GRIN2B: variants seen among roughly 807,000 people sequenced by gnomAD.
The protein encoded by GRIN2B is glutamate ionotropic receptor NMDA type subunit 2B.
GRIN2B carries 5 observed loss-of-function variants against 114.5 expected under a neutral mutation model. The ratio of observed to expected loss-of-function variants is 0.04; its 90% CI spans 0.02 to 0.09. GRIN2B has a LOEUF of 0.09. Ranked by LOEUF, GRIN2B falls within the 10% of genes least tolerant of loss-of-function variation. GRIN2B has a pLI of 1.00. For missense variants in GRIN2B, 1,108 were observed against 1,943.5 expected (o/e 0.57, Z 8.08); for synonymous variants, 787 against 745.1 (o/e 1.06, Z -0.92).
At chr12:13,727,568 G>A (rs1158592126) in intron 4 of GRIN2B, among the ~76,000 whole-genome samples, 1 of 152,102 alleles carries the variant, frequency 6.6e-6, no homozygotes, top group Non-Finnish European at 1.5e-5. Flanking sequence ...TACAGCTGAG[G>A]GGACCTGCAA....
chr12:13,879,158 C>T (rs970770851), intron 2 of GRIN2B, among the ~76,000 whole-genome samples: 3 of 152,098 alleles, frequency 2.0e-5, no homozygotes, highest in East Asian at 1.9e-4. Flanking sequence ...CATCATTAGG[C>T]GACTTCATCA....
intron 4 of GRIN2B, among the ~76,000 whole-genome samples, chr12:13,688,164 C>T (rs983078724): frequency 3.4e-4 from 51 of 152,092 alleles, no homozygotes; most frequent in African/African-American, 1.2e-3. Flanking sequence ...ATGCCCCACG[C>T]TAAGAACAAT....
chr12:13,617,243 C>T (rs574073364), intron 5 of GRIN2B, among the ~76,000 whole-genome samples: 4 of 152,322 alleles, frequency 2.6e-5, no homozygotes, highest in African/African-American at 9.6e-5. Flanking sequence ...TTAAAGAATA[C>T]TAACACTGTT....
chr12:13,806,634 A>G (rs1372582657), intron 3 of GRIN2B, among the ~76,000 whole-genome samples: 3 of 152,154 alleles, frequency 2.0e-5, no homozygotes, highest in East Asian at 3.9e-4. Context: ...TATTAGATGT[A>G]TGATTTGCAA....
intron 2 of GRIN2B, among the ~76,000 whole-genome samples, chr12:13,896,545 C>T (rs1467935799): frequency 6.6e-6 from 1 of 152,102 alleles, no homozygotes; most frequent in African/African-American, 2.4e-5. Context: ...AACATGTCTC[C>T]AAAATGAATA....
intron 5 of GRIN2B, among the ~76,000 whole-genome samples, chr12:13,664,064 T>A (rs1199666234): frequency 6.6e-6 from 1 of 152,206 alleles, no homozygotes; most frequent in African/African-American, 2.4e-5. Context: ...TAAATTTATT[T>A]AGATAAATCA....
intron 4 of GRIN2B, among the ~76,000 whole-genome samples, chr12:13,691,075 T>G (rs1950212331): frequency 6.6e-6 from 1 of 152,164 alleles, no homozygotes; most frequent in African/African-American, 2.4e-5. Flanking sequence ...AGGAATAATC[T>G]TTTTCTCAAT....
intron 11 of GRIN2B, among the ~76,000 whole-genome samples, chr12:13,570,713 A>C (rs1948696046): frequency 6.6e-6 from 1 of 152,226 alleles, no homozygotes; most frequent in African/African-American, 2.4e-5. Context: ...AGGGAATAAG[A>C]CCAGGCGTAG....
intron 2 of GRIN2B, among the ~76,000 whole-genome samples, chr12:13,954,790 C>T (rs1230503682): frequency 2.6e-5 from 1 of 38,578 alleles, no homozygotes; most frequent in Non-Finnish European, 6.9e-5. Context: ...GCCTGGGTGA[C>T]AGAGTGAGAC....
intron 2 of GRIN2B, among the ~76,000 whole-genome samples, chr12:13,966,284 G>T (rs1867789010): frequency 6.6e-6 from 1 of 152,216 alleles, no homozygotes; most frequent in African/African-American, 2.4e-5. Context: ...CTTTAGAAAT[G>T]TAAGTGATCA....
Position 13,545,997 on chromosome 12 carries a change from G to C in GRIN2B, c.*16786C>G, listed in dbSNP as rs1948336491. On this transcript the variant is annotated 3_prime_UTR_variant, in exon 14 of 14. Coordinates refer to ENST00000609686, the MANE Select transcript of GRIN2B (RefSeq NM_000834.5). ...AATCGAATCTAGCAATTTTCTTTCT[G>C]AAGTAAACAGTAATCACATTAACAA... is the stretch of plus-strand genomic sequence containing the variant. 6.6e-6 allele frequency: 1 copy of C among 152,116 alleles called. No individual in the cohort carries two copies. The highest frequency in any genetic ancestry group is 2.4e-5 in the African/African-American group (1 of 41,416). 9.4% of individuals were successfully genotyped at this position (152,116 alleles called of 1,614,324 possible).
intron 10 of GRIN2B, among the ~76,000 whole-genome samples, chr12:13,582,220 A>T (rs1806199): frequency 0.051 from 7,835 of 152,334 alleles, 280 homozygotes; most frequent in East Asian, 0.17. Context: ...CCATGAAAGA[A>T]TCTGGAATGG....
At chr12:13,819,774 A>G (rs1241495277) in intron 3 of GRIN2B, among the ~76,000 whole-genome samples, 1 of 152,178 alleles carries the variant, frequency 6.6e-6, no homozygotes, top group Non-Finnish European at 1.5e-5. Flanking sequence ...TAAACTACAA[A>G]AAAATCCTTT....
chr12:13,688,618 T>C (rs1950190052), intron 4 of GRIN2B, among the ~76,000 whole-genome samples: 3 of 152,206 alleles, frequency 2.0e-5, no homozygotes, highest in Admixed American at 2.0e-4. Flanking sequence ...TCTTAGATCG[T>C]GCTCTGGAAG....
intron 3 of GRIN2B, among the ~76,000 whole-genome samples, chr12:13,799,871 G>A (rs1864476835): frequency 6.6e-6 from 1 of 152,078 alleles, no homozygotes; most frequent in Non-Finnish European, 1.5e-5. Flanking sequence ...GCTAGGCAGG[G>A]CAGGGAGAGA....
intron 3 of GRIN2B, among the ~76,000 whole-genome samples, chr12:13,865,294 A>G (rs1414431258): frequency 6.6e-6 from 1 of 152,200 alleles, no homozygotes; most frequent in Non-Finnish European, 1.5e-5. Context: ...TTTCAAAACT[A>G]TAGGAGTTTC....
At chr12:13,839,611 G>A (rs1317961627) in intron 3 of GRIN2B, among the ~76,000 whole-genome samples, 1 of 152,206 alleles carries the variant, frequency 6.6e-6, no homozygotes, top group Non-Finnish European at 1.5e-5. Flanking sequence ...GAGAGGTTCA[G>A]TGATCTGCCC....
chr12:13,703,364 T>G (rs1224643505), intron 4 of GRIN2B, among the ~76,000 whole-genome samples: 1 of 152,170 alleles, frequency 6.6e-6, no homozygotes, highest in East Asian at 1.9e-4. Flanking sequence ...CTTTATATTT[T>G]TTATCACTCA....
intron 5 of GRIN2B, among the ~76,000 whole-genome samples, chr12:13,666,134 C>A (rs1385979810): frequency 1.3e-5 from 2 of 152,308 alleles, no homozygotes; most frequent in Admixed American, 6.5e-5. Flanking sequence ...GGCAGTGGAG[C>A]ACGGGCTTCT....
Sources: allele counts gnomAD v4.1 joint callset (sites outside exome capture counted in the v4.1 genomes callset), GRCh38; gene constraint gnomAD v4.1.1; transcripts MANE v1.5; gene names NCBI Gene and HGNC (gene_info 2026-07-23, HGNC 2026-07-21).